The following LRRC4C variants were observed in gnomAD, a reference collection of about 807,000 sequenced individuals.
LRRC4C encodes leucine rich repeat containing 4C.
Under a neutral mutation model 33.6 loss-of-function variants are expected in LRRC4C, and 5 were observed. The ratio of observed to expected loss-of-function variants is 0.15; its 90% CI spans 0.08 to 0.31. The LOEUF is 0.31. Among genes scored for constraint, LRRC4C ranks in the 10% least tolerant of loss-of-function variants. The pLI is 1.00. For missense variants in LRRC4C, 560 were observed against 796.7 expected, an observed-to-expected ratio of 0.70 and a Z score of 3.58; for synonymous variants, 329 against 302.0, an observed-to-expected ratio of 1.09 and a Z score of -0.93.
chr11:40,759,547 G>T (rs1372710147), intron 2 of LRRC4C, among the ~76,000 whole-genome samples: 1 of 151,750 alleles, frequency 6.6e-6, no homozygotes, highest in Non-Finnish European at 1.5e-5. Context: ...AGTAATTGCG[G>T]TTTTTGTCAT....
intron 2 of LRRC4C, among the ~76,000 whole-genome samples, chr11:40,915,152 A>C (rs1956891312): frequency 6.6e-6 from 1 of 152,160 alleles, no homozygotes; most frequent in Non-Finnish European, 1.5e-5. Context: ...TGCCGTCTCC[A>C]TCAAGCTACC....
intron 1 of LRRC4C, among the ~76,000 whole-genome samples, chr11:41,145,163 T>C (rs1274651980): frequency 1.3e-5 from 2 of 152,178 alleles, no homozygotes; most frequent in Non-Finnish European, 2.9e-5. Context: ...CTTTTTCTAT[T>C]ATAGCTTTTG....
intron 3 of LRRC4C, among the ~76,000 whole-genome samples, chr11:40,450,801 A>C (rs1180831986): frequency 6.6e-6 from 1 of 151,548 alleles, no homozygotes; most frequent in Non-Finnish European, 1.5e-5. Flanking sequence ...AGAACTGCGC[A>C]TATAAAGTAT....
At chr11:41,383,816 A>T (rs1424105333) in intron 1 of LRRC4C, among the ~76,000 whole-genome samples, 2 of 151,984 alleles carry the variant, frequency 1.3e-5, no homozygotes, top group South Asian at 4.1e-4. Flanking sequence ...TAGAAAAAAA[A>T]AATTCCAACT....
chr11:41,324,943 G>A (rs1295043461), intron 1 of LRRC4C, among the ~76,000 whole-genome samples: 1 of 152,176 alleles, frequency 6.6e-6, no homozygotes, highest in Admixed American at 6.5e-5. Flanking sequence ...AAAAGCACAT[G>A]CATAGTGTAT....
At position 40,860,910 on chromosome 11, in the gene LRRC4C, A is replaced by T. The variant is rs766161134; in HGVS notation, c.-407+72725T>A. On this transcript the variant is annotated intron_variant, in intron 2 of 6. Coordinates refer to ENST00000528697, the MANE Select transcript of LRRC4C (RefSeq NM_001258419.2). The stretch of plus-strand genomic sequence containing the variant: ...TGATGAAAATATTTTGGAACTAGAA[A>T]GTAGCAGTGATTGGACAACGTTGTA... Among the ~76,000 whole-genome samples the T allele has an allele frequency of 7.4e-5, 11 of 149,014 alleles. No individual in the cohort carries two copies. In the South Asian group the frequency reaches 2.1e-3, roughly 29 times the overall value.
intron 1 of LRRC4C, among the ~76,000 whole-genome samples, chr11:41,057,493 G>C (rs1007883041): frequency 6.6e-6 from 1 of 152,212 alleles, no homozygotes; most frequent in Non-Finnish European, 1.5e-5. Context: ...CTTCAGGCCA[G>C]GGAGGGCCTG....
intron 2 of LRRC4C, among the ~76,000 whole-genome samples, chr11:40,703,919 T>C (rs1449407891): frequency 6.6e-6 from 1 of 152,192 alleles, no homozygotes; most frequent in East Asian, 1.9e-4. Flanking sequence ...GATTAAGTCA[T>C]TAAAAGAATA....
At chr11:40,909,512 A>G (rs1000502612) in intron 2 of LRRC4C, among the ~76,000 whole-genome samples, 1 of 152,166 alleles carries the variant, frequency 6.6e-6, no homozygotes, top group Non-Finnish European at 1.5e-5. Flanking sequence ...TTCTAATGAC[A>G]GTGTATACAT....
In LRRC4C at chr11:41,106,590, G is replaced by A. The variant is rs143059711; in HGVS notation, c.-495-172867C>T. 2.3e-4 allele frequency among the ~76,000 whole-genome samples: 35 copies of A among 152,144 alleles called. 1 individual carries two copies. In the East Asian group the frequency reaches 4.7e-3, roughly 20 times the overall value. On this transcript the variant is annotated intron_variant, in intron 1 of 6. Transcript: ENST00000528697. Reference sequence around the variant, plus strand: ...TATCACACCAAAACCCATTCATTACGTAGGGCATACTGCTTATGCTTTCAG... The same window carrying A: ...TATCACACCAAAACCCATTCATTACATAGGGCATACTGCTTATGCTTTCAG...
At chr11:41,342,023 C>T (rs535258710) in intron 1 of LRRC4C, among the ~76,000 whole-genome samples, 89 of 151,468 alleles carry the variant, frequency 5.9e-4, no homozygotes, top group African/African-American at 2.0e-3. Flanking sequence ...TGAACCTCAC[C>T]CCTGGTTTCT....
At chr11:41,345,482 C>T (rs554579358) in intron 1 of LRRC4C, among the ~76,000 whole-genome samples, 1 of 152,154 alleles carries the variant, frequency 6.6e-6, no homozygotes, top group African/African-American at 2.4e-5. Context: ...TTTGTAGGAT[C>T]CAGTCTAAAC....
chr11:41,371,092 G>T (rs1315288285), intron 1 of LRRC4C, among the ~76,000 whole-genome samples: 1 of 152,112 alleles, frequency 6.6e-6, no homozygotes, highest in African/African-American at 2.4e-5. Flanking sequence ...CTGAAATATT[G>T]TTTCTCAAAA....
At chr11:40,644,825 T>C (rs1029812936) in intron 3 of LRRC4C, among the ~76,000 whole-genome samples, 6 of 152,134 alleles carry the variant, frequency 3.9e-5, no homozygotes, top group African/African-American at 1.4e-4. Flanking sequence ...CTTGTGGTGA[T>C]AGAAATGACG....
chr11:41,355,705 T>C (rs11036367), intron 1 of LRRC4C, among the ~76,000 whole-genome samples: 14,149 of 152,188 alleles, frequency 0.093, 735 homozygotes, highest in South Asian at 0.19. Context: ...AAATGTTTTC[T>C]ATTTAATTGA....
chr11:40,850,798 C>T (rs1310917825), intron 2 of LRRC4C, among the ~76,000 whole-genome samples: 1 of 152,230 alleles, frequency 6.6e-6, no homozygotes, highest in African/African-American at 2.4e-5. Flanking sequence ...CTGACTGAGG[C>T]TACTGCCTTT....
rs528518803 is a variant in LRRC4C at position 40,660,139 on chromosome 11, C to T, written c.-406-11861G>A. The stretch of plus-strand genomic sequence containing the variant: ...GAAGCTGCTTTTGGTACCTCTGATC[C>T]AGCCACAGCCTTACACAGAGCTGGA... On this transcript the variant is annotated intron_variant, in intron 2 of 6. Coordinates refer to ENST00000528697, the MANE Select transcript of LRRC4C (RefSeq NM_001258419.2). 2.0e-5 allele frequency among the ~76,000 whole-genome samples: 3 copies of T among 152,350 alleles called. No individual in the cohort carries two copies. The East Asian group carries it at 5.8e-4, about 29-fold the overall frequency.
chr11:40,238,957 A>G (rs1314951470), intron 5 of LRRC4C, among the ~76,000 whole-genome samples: 1 of 152,198 alleles, frequency 6.6e-6, no homozygotes, highest in African/African-American at 2.4e-5. Flanking sequence ...TAACAGTCCC[A>G]TACAAGACCT....
intron 1 of LRRC4C, among the ~76,000 whole-genome samples, chr11:41,192,578 T>G (rs544138402): frequency 6.6e-6 from 1 of 152,188 alleles, no homozygotes; most frequent in African/African-American, 2.4e-5. Context: ...AGAAAATTTG[T>G]GATGCATCAC....
Sources: allele counts gnomAD v4.1 joint callset (sites outside exome capture counted in the v4.1 genomes callset), GRCh38; gene constraint gnomAD v4.1.1; transcripts MANE v1.5; gene names NCBI Gene and HGNC (gene_info 2026-07-23, HGNC 2026-07-21).